The following SEMA4F variants were observed in gnomAD, a reference collection of about 807,000 sequenced individuals.
The protein encoded by SEMA4F is semaphorin-4F.
Under a neutral mutation model 78.4 loss-of-function variants are expected in SEMA4F, and 51 were observed. That is an observed-to-expected ratio of 0.65 (90% CI 0.52 to 0.82). SEMA4F has a LOEUF of 0.82. Among genes scored for constraint, SEMA4F ranks in the 40% least tolerant of loss-of-function variants. SEMA4F has a pLI of 0.00. For synonymous variants in SEMA4F, 418 were observed against 408.7 expected, an observed-to-expected ratio of 1.02 and a Z score of -0.27; for missense variants, 938 against 1,014.4, an observed-to-expected ratio of 0.92 and a Z score of 1.02.
chr2:74,663,394 T>G (rs1471820806), intron 5 of SEMA4F, among the ~76,000 whole-genome samples: 1 of 152,242 alleles, frequency 6.6e-6, no homozygotes, highest in Non-Finnish European at 1.5e-5. Context: ...CTAAAATATC[T>G]CTACTTAGAA....
chr2:74,679,586 C>T lies in SEMA4F; in HGVS notation c.1703-13C>T, dbSNP rs1240580232. The stretch of plus-strand genomic sequence containing the variant: ...AGCCTCACCTCCTTTTGTGCCTTTG[C>T]TGTTTCTCACAGAACGTCCAGTAGT... On this transcript the variant is annotated splice_polypyrimidine_tract_variant and intron_variant, in intron 13 of 13. Coordinates refer to ENST00000357877, the MANE Select transcript of SEMA4F (RefSeq NM_004263.5). 4 of 1,583,756 alleles carry T rather than the reference C, an allele frequency of 2.5e-6. No homozygotes were observed. Among genetic ancestry groups the T allele is most frequent in the Non-Finnish European group, 3.4e-6 (4 of 1,163,146 alleles).
the SEMA4F span, among the ~76,000 whole-genome samples, chr2:74,693,072 C>G: frequency 6.6e-6 from 1 of 152,138 alleles, no homozygotes; most frequent in African/African-American, 2.4e-5. Context: ...AGACTTTTCT[C>G]TATGTATATA....
At position 74,668,652 on chromosome 2, in the gene SEMA4F, C is replaced by T. The variant is rs534051168; in HGVS notation, c.551-4805C>T. Among the ~76,000 whole-genome samples the T allele has an allele frequency of 2.0e-3, 296 of 150,720 alleles. 2 individuals are homozygous for T. The highest frequency in any genetic ancestry group is 6.6e-3 in the African/African-American group (272 of 41,090). ...TGGAGACAGAGTCTTGCTCTGTCGC[C>T]CAGGCTGGAGTGCAGTGGCGTGATC... On this transcript the variant is annotated intron_variant, in intron 5 of 13. Transcript: ENST00000357877.
chr2:74,696,570 TG>T, the SEMA4F span, among the ~76,000 whole-genome samples: 1 of 152,018 alleles, frequency 6.6e-6, no homozygotes, highest in Non-Finnish European at 1.5e-5. Flanking sequence ...TATAAAAATG[TG>T]GGAAGGGGGT....
chr2:74,674,759 G>C, intron 8 of SEMA4F, 83 bp downstream of exon 8: 6 of 1,562,730 alleles, frequency 3.8e-6, no homozygotes, highest in Non-Finnish European at 5.2e-6. Context: ...TCTTCCAGAG[G>C]GGGCAGGCTC....
chr2:74,677,872 T>A (rs1685380931), intron 12 of SEMA4F, among the ~76,000 whole-genome samples: 1 of 152,212 alleles, frequency 6.6e-6, no homozygotes, highest in Non-Finnish European at 1.5e-5. Context: ...TGGTAACTGA[T>A]CTGTAGGGCT....
At chr2:74,675,728 T>A (rs2075212) in intron 11 of SEMA4F, 21 bp from the exon 12 acceptor site, 102,381 of 1,613,162 alleles carry the variant, frequency 0.063, 6,266 homozygotes, top group East Asian at 0.38. Context: ...TGTATTCCCC[T>A]TCCCCACTCC....
intron 5 of SEMA4F, among the ~76,000 whole-genome samples, chr2:74,668,167 C>G (rs1684790643): frequency 7.3e-6 from 1 of 136,386 alleles, no homozygotes; most frequent in Non-Finnish European, 1.5e-5. Context: ...GGGTTTCTAT[C>G]AAGAAGAGCA....
chr2:74,656,413 C>A, intron 1 of SEMA4F, 121 bp from the exon 2 acceptor site: 2 of 898,808 alleles, frequency 2.2e-6, no homozygotes, highest in South Asian at 1.6e-5. Context: ...GTGTTTCTCC[C>A]CCATGGCTGC....
the SEMA4F span, among the ~76,000 whole-genome samples, chr2:74,692,710 T>A: frequency 6.6e-6 from 1 of 152,060 alleles, no homozygotes; most frequent in Non-Finnish European, 1.5e-5. Flanking sequence ...CAGAGTAAGC[T>A]TTTTTGGAGC....
the SEMA4F span, among the ~76,000 whole-genome samples, chr2:74,694,965 A>T: frequency 6.6e-6 from 1 of 152,230 alleles, no homozygotes; most frequent in Non-Finnish European, 1.5e-5. Flanking sequence ...GGTTTTGGCA[A>T]TTATGAATGA....
intron 12 of SEMA4F, 145 bp from the exon 13 acceptor site, chr2:74,679,131 G>T (rs752689829): frequency 5.5e-6 from 4 of 722,084 alleles, no homozygotes; most frequent in African/African-American, 3.5e-5. Flanking sequence ...GAAAAATTTG[G>T]TGATGAGGAG....
the SEMA4F span, among the ~76,000 whole-genome samples, chr2:74,707,219 T>C: frequency 4.1e-4 from 63 of 152,220 alleles, 1 homozygote; most frequent in African/African-American, 1.4e-3. Context: ...ATTTGTTAAT[T>C]ATACTGTAGT....
At chr2:74,676,055 C>G (rs1558734386) in intron 12 of SEMA4F, 146 bp downstream of exon 12, 20 of 834,888 alleles carry the variant, frequency 2.4e-5, no homozygotes, top group Non-Finnish European at 3.4e-5. Flanking sequence ...GTGTGTCCTT[C>G]TGTCAGTCCA....
At chr2:74,692,442 C>G in the SEMA4F span, among the ~76,000 whole-genome samples, 1 of 152,176 alleles carries the variant, frequency 6.6e-6, no homozygotes, top group African/African-American at 2.4e-5. Flanking sequence ...CTGGTATGCT[C>G]TGCCTATGAC....
intron 6 of SEMA4F, 43 bp downstream of exon 6, chr2:74,673,619 G>A (rs1307813203): frequency 1.2e-6 from 2 of 1,613,250 alleles, no homozygotes; most frequent in African/African-American, 1.3e-5. Flanking sequence ...CCGATGGGGT[G>A]GAGTCTGGGA....
chr2:74,696,331 G>C, the SEMA4F span, among the ~76,000 whole-genome samples: 1 of 151,794 alleles, frequency 6.6e-6, no homozygotes, highest in Non-Finnish European at 1.5e-5. Context: ...AAGTAGCTGG[G>C]ACTACAGGTG....
chr2:74,670,591 G>A (rs1684934353), intron 5 of SEMA4F, among the ~76,000 whole-genome samples: 1 of 152,172 alleles, frequency 6.6e-6, no homozygotes, highest in Admixed American at 6.5e-5. Context: ...ATTTATGATT[G>A]TTTTTCTCCA....
intron 5 of SEMA4F, among the ~76,000 whole-genome samples, chr2:74,672,226 A>G (rs1236208536): frequency 2.0e-5 from 3 of 152,088 alleles, no homozygotes; most frequent in Admixed American, 6.5e-5. Flanking sequence ...CTGCCCCCAC[A>G]TGGCTGAGCA....
Sources: gnomAD v4.1 joint callset for allele counts (sites outside exome capture counted in the v4.1 genomes callset) on GRCh38, gnomAD v4.1.1 for gene constraint, MANE v1.5 for transcripts, NCBI Gene and HGNC (gene_info 2026-07-23, HGNC 2026-07-21) for gene names.